The following MEIG1 variants were observed in gnomAD, a reference collection of about 807,000 sequenced individuals.
The protein encoded by MEIG1 is meiosis expressed gene 1 protein homolog.
In MEIG1, 12 loss-of-function variants were observed where a neutral mutation model predicts 11.3. That is an observed-to-expected ratio of 1.07 (90% confidence interval 0.68 to 1.73). The LOEUF is 1.73. Among genes scored for constraint, MEIG1 ranks in the 40% most tolerant of loss-of-function variants. The pLI, the probability that MEIG1 is intolerant of heterozygous loss-of-function variation, is 0.00. For missense variants in MEIG1, 119 were observed against 104.9 expected (o/e 1.13, Z -0.59); for synonymous variants, 41 against 33.2 (o/e 1.24, Z -0.81).
At chr10:14,961,638 A>ATTTTTTTTTTTTTT (rs34536061) in intron 1 of MEIG1, among the ~76,000 whole-genome samples, 10,615 of 75,720 alleles carry the variant, frequency 0.14, 2,423 homozygotes, top group Non-Finnish European at 0.18. Context: ...CATCCGGCTA[A>ATTTTTTTTTTTTTT]TTTTTTTTTT....
At chr10:14,972,490 G>A (rs1456363732) in intron 2 of MEIG1, 23 bp from the exon 3 acceptor site, 1 of 1,613,620 alleles carries the variant, frequency 6.2e-7, no homozygotes, top group African/African-American at 1.3e-5. Context: ...TGTAACGTTT[G>A]TACTCTGGTT....
chr10:14,969,593 G>A (rs183466724), intron 2 of MEIG1, among the ~76,000 whole-genome samples: 13 of 152,324 alleles, frequency 8.5e-5, no homozygotes, highest in Admixed American at 8.5e-4. Flanking sequence ...CTAGCACTTT[G>A]GGAGGCAGAG....
chr10:14,983,174 T>A (rs1016894570), intron 1 of MEIG1, among the ~76,000 whole-genome samples: 3 of 152,242 alleles, frequency 2.0e-5, no homozygotes, highest in South Asian at 2.1e-4. Flanking sequence ...CCCGGTGATA[T>A]TGATCCGAAT....
chr10:14,969,273 C>G (rs1165734020), intron 2 of MEIG1, among the ~76,000 whole-genome samples: 1 of 150,922 alleles, frequency 6.6e-6, no homozygotes, highest in Non-Finnish European at 1.5e-5. Flanking sequence ...ATAGTGAGAA[C>G]CCATTTCTAC....
intron 1 of MEIG1, among the ~76,000 whole-genome samples, chr10:14,961,762 G>GTACATGGGATTAC (rs1843016763): frequency 6.7e-6 from 1 of 150,362 alleles, no homozygotes; most frequent in African/African-American, 2.4e-5. Flanking sequence ...TTACAGGCGT[G>GTACATGGGATTAC]AGCCACCGCA....
downstream of MEIG1, among the ~76,000 whole-genome samples, chr10:14,975,643 G>A (rs1004441296): frequency 6.6e-6 from 1 of 151,994 alleles, no homozygotes; most frequent in Non-Finnish European, 1.5e-5. Flanking sequence ...CGCAGGGTGT[G>A]TACAGCCCCC....
At chr10:14,984,789 G>T (rs1419055278) in intron 1 of MEIG1, among the ~76,000 whole-genome samples, 1 of 152,072 alleles carries the variant, frequency 6.6e-6, no homozygotes, top group Non-Finnish European at 1.5e-5. Flanking sequence ...TAATTTTGTG[G>T]GATGTTACCC....
intron 1 of MEIG1, chr10:14,986,732 T>C (rs1268355455): frequency 6.4e-6 from 2 of 311,854 alleles, no homozygotes; most frequent in Non-Finnish European, 1.2e-5. Context: ...GCCTCGGCCC[T>C]GCGAATAGCT....
At chr10:14,954,790 A>T (rs1296988704), upstream of MEIG1, among the ~76,000 whole-genome samples, 1 of 152,214 alleles carries the variant, frequency 6.6e-6, no homozygotes, top group African/African-American at 2.4e-5. Flanking sequence ...AAGCAACTTT[A>T]TGAAAAGGTT....
At chr10:14,957,198 G>C (rs769703799), upstream of MEIG1, among the ~76,000 whole-genome samples, 7 of 152,122 alleles carry the variant, frequency 4.6e-5, no homozygotes, top group Non-Finnish European at 7.4e-5. Flanking sequence ...CATCCTACCT[G>C]CCCATCAGAT....
chr10:14,961,052 T>A (rs942023253), intron 1 of MEIG1, among the ~76,000 whole-genome samples: 2 of 151,956 alleles, frequency 1.3e-5, no homozygotes, highest in Non-Finnish European at 2.9e-5. Flanking sequence ...AATAAATAAA[T>A]AAAATAACAT....
downstream of MEIG1, among the ~76,000 whole-genome samples, chr10:14,977,836 A>G (rs1026458644): frequency 7.2e-5 from 11 of 151,994 alleles, no homozygotes; most frequent in Non-Finnish European, 1.6e-4. Flanking sequence ...GATAGCTCAT[A>G]TCCTAGGGAG....
Position 14,972,766 on chromosome 10 carries a change from C to A in MEIG1, c.*125C>A. 4.1e-6 allele frequency: 4 copies of A among 967,212 alleles called. No homozygotes were observed. The highest frequency in any genetic ancestry group is 5.9e-6 in the Non-Finnish European group (4 of 673,410). 59.9% of individuals were successfully genotyped at this position (967,212 alleles called of 1,614,324 possible). A position where few individuals can be genotyped will look rare whatever the true frequency, so the allele number is the denominator to read the frequency against. On this transcript the variant is annotated 3_prime_UTR_variant, in exon 3 of 3. Transcript: ENST00000407572. ...CTGCAGTTTAATGTTTTGTGAAACA[C>A]AAAAGCCATGAGAATTGGTATCTGC... is the stretch of plus-strand genomic sequence containing the variant.
At chr10:14,985,708 G>A (rs1447341712) in intron 1 of MEIG1, among the ~76,000 whole-genome samples, 1 of 151,990 alleles carries the variant, frequency 6.6e-6, no homozygotes, top group African/African-American at 2.4e-5. Context: ...TACACCTTGT[G>A]ACGTGATCTG....
At chr10:14,973,422 A>AT (rs1328460025), downstream of MEIG1, among the ~76,000 whole-genome samples, 1 of 152,118 alleles carries the variant, frequency 6.6e-6, no homozygotes, top group Non-Finnish European at 1.5e-5. Flanking sequence ...TCAAGGAATA[A>AT]TGCCCCCCAT....
chr10:14,985,651 T>C (rs978452074), intron 1 of MEIG1, among the ~76,000 whole-genome samples: 4 of 151,984 alleles, frequency 2.6e-5, no homozygotes, highest in African/African-American at 4.8e-5. Context: ...CCTAGGAGGA[T>C]GTTTGTTTGA....
At chr10:14,960,357 A>G (rs1842997974) in intron 1 of MEIG1, among the ~76,000 whole-genome samples, 1 of 152,228 alleles carries the variant, frequency 6.6e-6, no homozygotes, top group Non-Finnish European at 1.5e-5. Context: ...GGCTGGCTAC[A>G]TCAGAAGCTT....
intron 1 of MEIG1, among the ~76,000 whole-genome samples, chr10:14,981,762 A>C (rs112672374): frequency 3.3e-5 from 5 of 152,066 alleles, no homozygotes; most frequent in Admixed American, 6.5e-5. Flanking sequence ...TGTTCTTCCA[A>C]TGTCCTATTT....
At chr10:14,956,215 T>G (rs543316575), upstream of MEIG1, among the ~76,000 whole-genome samples, 1 of 152,240 alleles carries the variant, frequency 6.6e-6, no homozygotes, top group African/African-American at 2.4e-5. Context: ...GCCTGGCAGT[T>G]TGCAGCTTAA....
Sources: gnomAD v4.1 joint callset for allele counts (sites outside exome capture counted in the v4.1 genomes callset) on GRCh38, gnomAD v4.1.1 for gene constraint, MANE v1.5 for transcripts, NCBI Gene and HGNC (gene_info 2026-07-23, HGNC 2026-07-21) for gene names.